The following ARHGEF37 variants were observed in gnomAD, a reference collection of about 807,000 sequenced individuals.
ARHGEF37 encodes Rho guanine nucleotide exchange factor (GEF) 37.
ARHGEF37 carries 55 observed loss-of-function variants against 71.1 expected under a neutral mutation model. That is an observed-to-expected ratio of 0.77 (90% confidence interval 0.62 to 0.97). The LOEUF (loss-of-function observed/expected upper bound fraction) is 0.97, where lower values mean the gene tolerates loss of function less well. ARHGEF37 is among the 50% of genes least tolerant of loss of function. The probability of loss-of-function intolerance (pLI) is 0.00; values close to 1 mark genes in which losing one functional copy is unlikely to be tolerated. For synonymous variants in ARHGEF37, 327 were observed against 350.6 expected, an observed-to-expected ratio of 0.93 and a Z score of 0.75; for missense variants, 765 against 836.8, an observed-to-expected ratio of 0.91 and a Z score of 1.06.
At chr5:149,620,318 G>GC (rs11409449) in intron 7 of ARHGEF37, 36 bp from the exon 8 acceptor site, 818,672 of 1,496,760 alleles carry the variant, frequency 0.55, 228,677 homozygotes, top group East Asian at 0.82. Context: ...GCCATGACAG[G>GC]CATGATTGGA....
intron 1 of ARHGEF37, among the ~76,000 whole-genome samples, chr5:149,570,411 T>TA (rs1163599335): frequency 6.7e-6 from 1 of 150,098 alleles, no homozygotes; most frequent in Admixed American, 6.7e-5. Context: ...CCATCTCTAC[T>TA]AAAAAAAATA....
chr5:149,568,555 G>T (rs1762925186), intron 1 of ARHGEF37, among the ~76,000 whole-genome samples: 1 of 152,090 alleles, frequency 6.6e-6, no homozygotes, highest in Non-Finnish European at 1.5e-5. Flanking sequence ...TTGGCCGCGT[G>T]GTGACTGATG....
At chr5:149,561,464 A>C (rs1370260772) in intron 1 of ARHGEF37, among the ~76,000 whole-genome samples, 1 of 152,160 alleles carries the variant, frequency 6.6e-6, no homozygotes, top group African/African-American at 2.4e-5. Context: ...TCCTTGGCAA[A>C]GAGTTACTGT....
chr5:149,628,894 G>GCGGGGCTA lies in ARHGEF37; in HGVS notation c.1746_1747insCGGGGCTA (p.Asn583ArgfsTer3). On this transcript the variant is annotated frameshift_variant, in exon 12 of 13. Transcript: ENST00000333677. LOFTEE classifies it high-confidence loss of function. ...AGGAGCTCAGAAGGCAGGCGGGGCTGAACAAAGACCCCCGATGTCTAACAC... is the reference window on the plus strand; with the variant it reads ...AGGAGCTCAGAAGGCAGGCGGGGCTGCGGGGCTAAACAAAGACCCCCGATGTCTAACAC... 1 of 1,613,666 alleles carries GCGGGGCTA rather than the reference G, an allele frequency of 6.2e-7. No homozygotes were observed. The highest frequency in any genetic ancestry group is 8.5e-7 in the Non-Finnish European group (1 of 1,180,008).
chr5:149,608,100 A>G (rs1366279505), intron 3 of ARHGEF37, among the ~76,000 whole-genome samples: 1 of 151,990 alleles, frequency 6.6e-6, no homozygotes, highest in Non-Finnish European at 1.5e-5. Flanking sequence ...GGGAGATTAT[A>G]AAAAACATTG....
chr5:149,602,622 G>T (rs1240929757), intron 3 of ARHGEF37, among the ~76,000 whole-genome samples: 1 of 152,106 alleles, frequency 6.6e-6, no homozygotes, highest in Non-Finnish European at 1.5e-5. Context: ...GAGGAGGATA[G>T]TCTTCTTATT....
At chr5:149,591,288 G>A (rs1763398580) in intron 1 of ARHGEF37, among the ~76,000 whole-genome samples, 1 of 151,790 alleles carries the variant, frequency 6.6e-6, no homozygotes, top group South Asian at 2.1e-4. Context: ...TATTGCTTCT[G>A]CCCAGGCTGG....
At chr5:149,582,607 T>C (rs1443498319) in intron 1 of ARHGEF37, among the ~76,000 whole-genome samples, 1 of 152,222 alleles carries the variant, frequency 6.6e-6, no homozygotes, top group African/African-American at 2.4e-5. Flanking sequence ...GACTATAGTT[T>C]ACAATAATCT....
Position 149,632,331 on chromosome 5 carries a change from C to A in ARHGEF37, c.*140C>A. Reference sequence around the variant, plus strand: ...TGGGTGAAGCACACTCAGGAGGCAGCCAGAAGACATGGGCGGGCCTCGCAG... The same window carrying A: ...TGGGTGAAGCACACTCAGGAGGCAGACAGAAGACATGGGCGGGCCTCGCAG... On this transcript the variant is annotated 3_prime_UTR_variant, in exon 13 of 13. Coordinates refer to ENST00000333677, the MANE Select transcript of ARHGEF37 (RefSeq NM_001001669.3). 2.1e-6 allele frequency: 2 copies of A among 943,612 alleles called. No individual in the cohort carries two copies. The highest frequency in any genetic ancestry group is 3.1e-6 in the Non-Finnish European group (2 of 641,060). The allele number at this position is 943,612 out of a possible 1,614,324, so 58.5% of individuals were successfully genotyped here. A position where few individuals can be genotyped will look rare whatever the true frequency, so the allele number is the denominator to read the frequency against.
chr5:149,624,029 C>T lies in ARHGEF37; in HGVS notation c.1353C>T (p.Val451=). ...GSMAQLPHHH[V]PEPAFRKLVE... is the part of the protein sequence containing the mutation. ...CCACTTAGCTGCCCCACCACCACGT[C>T]CCAGAGCCTGCCTTCAGGAAGCTGG... The change falls in exon 10 of 13, where the codon GTC becomes GTT. Residue 451 remains valine (V), a synonymous_variant. Coordinates refer to ENST00000333677, the MANE Select transcript of ARHGEF37 (RefSeq NM_001001669.3). 1 of 1,604,374 alleles carries T rather than the reference C, an allele frequency of 6.2e-7. No homozygotes were observed. The highest frequency in any genetic ancestry group is 8.5e-7 in the Non-Finnish European group (1 of 1,172,134).
In ARHGEF37 at chr5:149,616,632, A is replaced by ACC; in HGVS notation, c.526_527dup (p.Leu177HisfsTer31). The ACC allele has an allele frequency of 6.2e-7, 1 of 1,613,344 alleles. No homozygotes were observed. Among genetic ancestry groups the ACC allele is most frequent in the Non-Finnish European group, 8.5e-7 (1 of 1,179,846 alleles). On this transcript the variant is annotated frameshift_variant, in exon 5 of 13. Coordinates refer to ENST00000333677, the MANE Select transcript of ARHGEF37 (RefSeq NM_001001669.3). LOFTEE classifies it high-confidence loss of function. ...ATTCCTCTGCAGAGGATCACCAGGT[A>ACC]CCCACTGCTGCTGCAGAAAATCCTG...
rs979411456 is a variant in ARHGEF37 at position 149,608,666 on chromosome 5, G to A, written c.311-882G>A. ...ATTATAGGCGTGACCCACCACACCCGGCAGTAAGTACTGTTTCTATTTGCA... is the reference window on the plus strand; with the variant it reads ...ATTATAGGCGTGACCCACCACACCCAGCAGTAAGTACTGTTTCTATTTGCA... On this transcript the variant is annotated intron_variant, in intron 3 of 12. Transcript: ENST00000333677. Among the ~76,000 whole-genome samples the A allele has an allele frequency of 3.9e-5, 6 of 152,006 alleles. No homozygotes were observed. The South Asian group carries it at 8.3e-4, about 21-fold the overall frequency.
At chr5:149,579,248 C>T (rs965811379), upstream of ARHGEF37, among the ~76,000 whole-genome samples, 5 of 152,164 alleles carry the variant, frequency 3.3e-5, no homozygotes, top group African/African-American at 1.2e-4. Flanking sequence ...ACACACTTTA[C>T]AGGAGTGTGA....
chr5:149,576,024 T>C (rs559454434), intron 1 of ARHGEF37, among the ~76,000 whole-genome samples: 1 of 152,240 alleles, frequency 6.6e-6, no homozygotes, highest in East Asian at 1.9e-4. Context: ...GGTGGGCAGA[T>C]CACCTGAAGT....
At chr5:149,598,263 CTCTTCTTCTTCT>C (rs70973531) in intron 2 of ARHGEF37, among the ~76,000 whole-genome samples, 1,143 of 67,756 alleles carry the variant, frequency 0.017, 59 homozygotes, top group African/African-American at 0.054. Context: ...CTTAAACTGA[CTCTTCTTCTTCT>C]TCTTCTTCTT....
chr5:149,590,260 G>T (rs547322137), intron 1 of ARHGEF37, among the ~76,000 whole-genome samples: 7 of 151,144 alleles, frequency 4.6e-5, no homozygotes, highest in African/African-American at 1.7e-4. Flanking sequence ...TGCTGCAGAA[G>T]TATTAACTGC....
At chr5:149,602,614 G>A (rs540030473) in intron 3 of ARHGEF37, among the ~76,000 whole-genome samples, 1 of 152,210 alleles carries the variant, frequency 6.6e-6, no homozygotes, top group African/African-American at 2.4e-5. Flanking sequence ...AGCCTCCTGA[G>A]GAGGATAGTC....
upstream of ARHGEF37, among the ~76,000 whole-genome samples, chr5:149,579,267 G>T (rs187185669): frequency 6.6e-6 from 1 of 152,188 alleles, no homozygotes; most frequent in Admixed American, 6.5e-5. Flanking sequence ...GAACTGAGGC[G>T]TTGAGCACTC....
intron 6 of ARHGEF37, 55 bp from the exon 7 acceptor site, chr5:149,618,883 C>A: frequency 7.1e-7 from 1 of 1,411,942 alleles, no homozygotes. Flanking sequence ...ACACTGAAGC[C>A]GGTGTACACT....
Sources: allele counts gnomAD v4.1 joint callset (sites outside exome capture counted in the v4.1 genomes callset), GRCh38; gene constraint gnomAD v4.1.1; transcripts MANE v1.5; gene names NCBI Gene and HGNC (gene_info 2026-07-23, HGNC 2026-07-21).